The following TSC2 variants were observed in gnomAD, a reference collection of about 807,000 sequenced individuals.
TSC2 encodes tuberin.
Under a neutral mutation model 202.2 loss-of-function variants are expected in TSC2, and 29 were observed. That is an observed-to-expected ratio of 0.14 (90% CI 0.11 to 0.20). The LOEUF is 0.20. Ranked by LOEUF, TSC2 falls within the 10% of genes least tolerant of loss-of-function variation. TSC2 has a pLI of 1.00. For missense variants in TSC2, 2,429 were observed against 2,420.0 expected (o/e 1.00, Z -0.08); for synonymous variants, 1,349 against 1,044.0 (o/e 1.29, Z -5.63).
chr16:2,062,429 A>T, intron 12 of TSC2, 68 bp from the exon 13 acceptor site: 1 of 1,461,726 alleles, frequency 6.8e-7, no homozygotes, highest in Non-Finnish European at 9.4e-7. Flanking sequence ...CCTCTCGACC[A>T]GCAGCCCAGT....
intron 13 of TSC2, 110 bp downstream of exon 13, chr16:2,062,710 T>G: frequency 8.2e-7 from 1 of 1,222,980 alleles, no homozygotes; most frequent in Non-Finnish European, 1.2e-6. Context: ...CCCTCCCCTC[T>G]GCCTCTGGAG....
At chr16:2,064,506 C>G in intron 15 of TSC2, 79 bp downstream of exon 15, 1 of 1,595,824 alleles carries the variant, frequency 6.3e-7, no homozygotes, top group Non-Finnish European at 8.5e-7. Context: ...GCCCTCTGTC[C>G]TCCTCTTCGA....
intron 2 of TSC2, 126 bp downstream of exon 2, chr16:2,048,879 G>C: frequency 7.4e-7 from 1 of 1,344,924 alleles, no homozygotes; most frequent in Non-Finnish European, 1.1e-6. Context: ...GCTGTCTCCA[G>C]TACTTGGAGG....
intron 32 of TSC2, 169 bp from the exon 33 acceptor site, chr16:2,083,526 C>T (rs369937605): frequency 1.6e-6 from 2 of 1,213,458 alleles, no homozygotes; most frequent in Non-Finnish European, 2.3e-6. Context: ...TGCAGGCCTT[C>T]CCAGCGTCCT....
At position 2,048,037 on chromosome 16, in the gene TSC2, C is replaced by T. The variant is rs140191449; in HGVS notation, c.-58C>T. 8 of 1,429,868 alleles carry T rather than the reference C, an allele frequency of 5.6e-6. No individual in the cohort carries two copies. The South Asian group carries it at 9.0e-5, about 16-fold the overall frequency. The allele number at this position is 1,429,868 out of a possible 1,614,324, so 88.6% of individuals were successfully genotyped here. ...GGGTGCGCCTTTCTCCGCGTCGGGGCGGCCCGGAGCGCGGTGGCGCGGCGC... is the reference window on the plus strand; with the variant it reads ...GGGTGCGCCTTTCTCCGCGTCGGGGTGGCCCGGAGCGCGGTGGCGCGGCGC... On this transcript the variant is annotated 5_prime_UTR_variant, in exon 1 of 42. Transcript: ENST00000219476.
chr16:2,060,361 C>T (rs1176820025), intron 10 of TSC2, among the ~76,000 whole-genome samples: 2 of 152,180 alleles, frequency 1.3e-5, no homozygotes, highest in Non-Finnish European at 1.5e-5. Context: ...AGCTTGCAGC[C>T]GAACTCAGGG....
At chr16:2,081,565 C>G (rs993363879) in intron 30 of TSC2, 30 bp from the exon 31 acceptor site, 15 of 1,612,784 alleles carry the variant, frequency 9.3e-6, no homozygotes, top group Non-Finnish European at 1.2e-5. Flanking sequence ...AGGTACTGGC[C>G]TCAGGCCAAA....
chr16:2,055,117 T>G, intron 5 of TSC2: 3 of 493,718 alleles, frequency 6.1e-6, no homozygotes, highest in South Asian at 2.0e-5. Flanking sequence ...CAGCCTCGGG[T>G]TGGGCCCTGA....
chr16:2,083,868 G>T, intron 33 of TSC2, 52 bp downstream of exon 33: 2 of 1,583,022 alleles, frequency 1.3e-6, no homozygotes, highest in South Asian at 1.1e-5. Flanking sequence ...GCTCCTTAGG[G>T]GAGGCAGGGC....
At chr16:2,071,287 T>C (rs938850184) in intron 17 of TSC2, 15 of 612,260 alleles carry the variant, frequency 2.4e-5, no homozygotes, top group Admixed American at 7.2e-5. Context: ...GACACCAGGC[T>C]CTGTGAGCTC....
In TSC2 at chr16:2,062,480, G is replaced by A. The variant is rs752327718; in HGVS notation, c.1258-17G>A. The A allele has an allele frequency of 2.1e-5, 34 of 1,599,620 alleles. No homozygotes were observed. The East Asian group carries it at 5.6e-4, about 26-fold the overall frequency. On this transcript the variant is annotated splice_polypyrimidine_tract_variant and intron_variant, in intron 12 of 41. Transcript: ENST00000219476. ...GCCGGAGGGGCAGAGGGGCAACACC[G>A]GCTCTTCTTTTGACAGGAGTCCTCC...
At position 2,084,568 on chromosome 16, in the gene TSC2, C is replaced by G. The variant is rs759004251; in HGVS notation, c.4346C>G (p.Ser1449Cys). 1 of 1,607,502 alleles carries G rather than the reference C, an allele frequency of 6.2e-7. No individual in the cohort carries two copies. Among genetic ancestry groups the G allele is most frequent in the Non-Finnish European group, 8.5e-7 (1 of 1,179,658 alleles). The change falls in exon 34 of 42, where the codon TCC becomes TGC. Residue 1449 changes from serine to cysteine, a missense_variant. Physicochemically the swap from Ser to Cys is moderately radical, Grantham distance 112. Coordinates refer to ENST00000219476, the MANE Select transcript of TSC2 (RefSeq NM_000548.5). ...GQPEGPLPSS[S>C]PRSPSGLRPR... is the part of the protein sequence containing the mutation. ...CCCGAGGGTCCCTTGCCTTCCAGCT[C>G]CCCCCGCTCGCCCAGTGGCCTCCGG...
At chr16:2,083,131 C>T (rs575940794) in intron 32 of TSC2, 27 of 456,044 alleles carry the variant, frequency 5.9e-5, no homozygotes, top group Middle Eastern at 4.4e-4. Flanking sequence ...TGTGATGGTC[C>T]CCTCTGTTGC....
At position 2,074,606 on chromosome 16, in the gene TSC2, G is replaced by A. The variant is rs866591632; in HGVS notation, c.2545+217G>A. On this transcript the variant is annotated intron_variant, in intron 22 of 41. Coordinates refer to ENST00000219476, the MANE Select transcript of TSC2 (RefSeq NM_000548.5). ...TCACCCCTCTAGTGTCCATGTGAAC[G>A]CTCCTCCTTGAAGAAGCCTCTTCCC... 2.0e-4 allele frequency: 125 copies of A among 619,840 alleles called. 1 individual carries two copies. The highest frequency in any genetic ancestry group is 4.4e-4 in the Middle Eastern group (1 of 2,296). 38.4% of individuals were successfully genotyped at this position (619,840 alleles called of 1,614,324 possible). A position where few individuals can be genotyped will look rare whatever the true frequency, so the allele number is the denominator to read the frequency against.
chr16:2,084,863 G>A (rs2090568257), intron 34 of TSC2, 88 bp from the exon 35 acceptor site: 10 of 1,603,262 alleles, frequency 6.2e-6, no homozygotes, highest in South Asian at 1.1e-5. Context: ...TGGAGTGGGA[G>A]ATGGCCAGGC....
At chr16:2,082,574 C>T (rs1249709693) in intron 32 of TSC2, 70 bp downstream of exon 32, 10 of 1,541,276 alleles carry the variant, frequency 6.5e-6, no homozygotes, top group African/African-American at 5.4e-5. Flanking sequence ...GTGCTCGTCG[C>T]CTCATCCGCC....
At position 2,088,923 on chromosome 16, in the gene TSC2, C is replaced by T; in HGVS notation, c.*313C>T. The T allele has an allele frequency of 5.2e-6, 2 of 385,846 alleles. No homozygotes were observed. The highest frequency in any genetic ancestry group is 4.3e-5 in the Admixed American group (1 of 23,380). The allele number at this position is 385,846 out of a possible 1,614,324, so 23.9% of individuals were successfully genotyped here. On this transcript the variant is annotated 3_prime_UTR_variant, in exon 42 of 42. Transcript: ENST00000219476. ...CAGTCACCTTCCTCCACCCTGGGAG[C>T]CAGCCCCCAGGAGGAGTCTTTTCCT...
rs2151346147 is a variant in TSC2 at position 2,074,194 on chromosome 16, C to G, written c.2356-6C>G. The G allele has an allele frequency of 6.2e-7, 1 of 1,610,858 alleles. No individual in the cohort carries two copies. On this transcript the variant is annotated splice_region_variant and splice_polypyrimidine_tract_variant and intron_variant, in intron 21 of 41. Transcript: ENST00000219476. ...GGTGGGGCCTGAGGTGTCCTGTCTC[C>G]TGCAGCGCGAGATGGTCTACTGCCT...
chr16:2,071,596 C>T lies in TSC2; in HGVS notation c.1926C>T (p.Pro642=), dbSNP rs778765636. The stretch of plus-strand genomic sequence containing the variant: ...AGGATGGAGTCGTGCGGTTCAGCCC[C>T]TACTGCGTCTGCGACTACATGTACG... ...PNKDGVVRFS[P]YCVCDYMEPE... is the part of the protein sequence containing the mutation. The change falls in exon 18 of 42, where the codon CCC becomes CCT. Residue 642 remains proline, a synonymous_variant. Coordinates refer to ENST00000219476, the MANE Select transcript of TSC2 (RefSeq NM_000548.5). The T allele has an allele frequency of 6.2e-7, 1 of 1,613,460 alleles. No individual in the cohort carries two copies. The highest frequency in any genetic ancestry group is 1.1e-5 in the South Asian group (1 of 91,084).
Sources: gnomAD v4.1 joint callset for allele counts (sites outside exome capture counted in the v4.1 genomes callset) on GRCh38, gnomAD v4.1.1 for gene constraint, MANE v1.5 for transcripts, NCBI Gene and HGNC (gene_info 2026-07-23, HGNC 2026-07-21) for gene names.